Variants in ZMYM5 observed in about 807,000 individuals in gnomAD.
The protein encoded by ZMYM5 is zinc finger MYM-type containing 5.
Under a neutral mutation model 61.8 loss-of-function variants are expected in ZMYM5, and 41 were observed. The ratio of observed to expected loss-of-function variants is 0.66; its 90% CI spans 0.52 to 0.86. The LOEUF (loss-of-function observed/expected upper bound fraction) is 0.86, where lower values mean the gene tolerates loss of function less well. Among genes scored for constraint, ZMYM5 ranks in the 40% least tolerant of loss-of-function variants. ZMYM5 has a pLI of 0.00. For missense variants in ZMYM5, 706 were observed against 786.7 expected, an observed-to-expected ratio of 0.90 and a Z score of 1.23; for synonymous variants, 257 against 276.4, an observed-to-expected ratio of 0.93 and a Z score of 0.70.
intron 7 of ZMYM5, among the ~76,000 whole-genome samples, chr13:19,830,206 T>C (rs1303087416): frequency 6.6e-6 from 1 of 152,196 alleles, no homozygotes; most frequent in African/African-American, 2.4e-5. Context: ...AGCAATAAGC[T>C]ACTAAGTGCA....
At chr13:19,835,448 A>G in intron 7 of ZMYM5, 29 bp downstream of exon 7, 6 of 1,320,298 alleles carry the variant, frequency 4.5e-6, no homozygotes, top group Non-Finnish European at 6.1e-6. Flanking sequence ...TATATATTTG[A>G]TCATTTAAAG....
In ZMYM5 at chr13:19,851,863, C is replaced by A; in HGVS notation, c.318G>T (p.Leu106Phe). ...YSVIPPSSRD[L>F]ASQKGNISET... ...CACTTATATTTCCTTTCTGAGATGCCAAATCTCTTGAAGAAGGAGGAATTA... is the reference window on the plus strand; with the variant it reads ...CACTTATATTTCCTTTCTGAGATGCAAAATCTCTTGAAGAAGGAGGAATTA... The change falls in exon 3 of 8, where the codon TTG becomes TTT. Residue 106 changes from leucine (L) to phenylalanine (F), a missense_variant. Leu to Phe is a conservative substitution (Grantham distance 22). Transcript: ENST00000337963. 1 of 1,611,842 alleles carries A rather than the reference C, an allele frequency of 6.2e-7. No individual in the cohort carries two copies. Among genetic ancestry groups the A allele is most frequent in the Non-Finnish European group, 8.5e-7 (1 of 1,179,476 alleles).
chr13:19,831,829 G>A (rs1202709016), intron 7 of ZMYM5, among the ~76,000 whole-genome samples: 1 of 145,666 alleles, frequency 6.9e-6, no homozygotes, highest in Non-Finnish European at 1.5e-5. Context: ...ATGTATAGGT[G>A]TATGTCTGCC....
intron 6 of ZMYM5, 58 bp from the exon 7 acceptor site, chr13:19,835,747 G>T: frequency 8.1e-7 from 1 of 1,228,676 alleles, no homozygotes; most frequent in Non-Finnish European, 1.1e-6. Flanking sequence ...AGCATAGCAA[G>T]CAATGAGATA....
intron 7 of ZMYM5, among the ~76,000 whole-genome samples, chr13:19,833,753 G>A (rs1367358434): frequency 1.3e-5 from 2 of 151,998 alleles, no homozygotes; most frequent in Admixed American, 1.3e-4. Flanking sequence ...TAATAAATAG[G>A]ACTTATAAAA....
chr13:19,828,388 C>T (rs1380237789), intron 7 of ZMYM5, among the ~76,000 whole-genome samples: 2 of 151,820 alleles, frequency 1.3e-5, no homozygotes, highest in South Asian at 2.1e-4. Context: ...GCAGGAGAAT[C>T]GCTTGAACCT....
At chr13:19,827,946 G>A (rs1300814748) in intron 7 of ZMYM5, among the ~76,000 whole-genome samples, 2 of 150,098 alleles carry the variant, frequency 1.3e-5, no homozygotes, top group Non-Finnish European at 3.0e-5. Context: ...ATGAACCCGG[G>A]AGGCGGAGAT....
At chr13:19,848,205 G>T (rs1406828134) in intron 4 of ZMYM5, among the ~76,000 whole-genome samples, 1 of 151,630 alleles carries the variant, frequency 6.6e-6, no homozygotes, top group Admixed American at 6.6e-5. Context: ...GGCTGGTCTT[G>T]AACTCCTGAC....
intron 4 of ZMYM5, among the ~76,000 whole-genome samples, chr13:19,850,576 G>C (rs533313719): frequency 6.6e-6 from 1 of 151,530 alleles, no homozygotes; most frequent in South Asian, 2.1e-4. Context: ...ACTCCAGCCT[G>C]GGCAAAAAGA....
At chr13:19,850,835 G>A (rs1428809988) in intron 4 of ZMYM5, among the ~76,000 whole-genome samples, 1 of 152,048 alleles carries the variant, frequency 6.6e-6, no homozygotes, top group Non-Finnish European at 1.5e-5. Context: ...AATCTTACTG[G>A]ATAAAATAGA....
At position 19,851,387 on chromosome 13, in the gene ZMYM5, T is replaced by C; in HGVS notation, c.554A>G (p.Gln185Arg). The change falls in exon 4 of 8, where the codon CAG (glutamine) becomes CGG (arginine). Residue 185 changes from glutamine to arginine, a missense_variant. By Grantham distance (43) the Gln-to-Arg change is conservative. This residue lies in a region of ZMYM5 where 480 missense variants were observed against 461.7 expected (regional missense o/e 1.04). Coordinates refer to ENST00000337963, the MANE Select transcript of ZMYM5 (RefSeq NM_001142684.2). ...GRMNVAGDLF[Q>R]NGEFATHHSP... ...ATGATGAGTTGCAAATTCTCCATTC[T>C]GAAATAAGTCTCCTGCCACATTCAT... The C allele has an allele frequency of 2.5e-6, 4 of 1,614,182 alleles. No individual in the cohort carries two copies. The highest frequency in any genetic ancestry group is 3.4e-6 in the Non-Finnish European group (4 of 1,180,026).
At chr13:19,851,053 A>G (rs1953273028) in intron 4 of ZMYM5, among the ~76,000 whole-genome samples, 1 of 152,096 alleles carries the variant, frequency 6.6e-6, no homozygotes, top group Non-Finnish European at 1.5e-5. Context: ...TACTAAAAAC[A>G]CAAAAACTAG....
intron 2 of ZMYM5, among the ~76,000 whole-genome samples, chr13:19,860,946 G>A (rs1011740585): frequency 6.6e-6 from 1 of 150,850 alleles, no homozygotes; most frequent in Non-Finnish European, 1.5e-5. Context: ...GTGTGTGTGT[G>A]TGTGTGTGTG....
Position 19,838,806 on chromosome 13 carries a change from T to C in ZMYM5, c.766A>G (p.Thr256Ala). The C allele has an allele frequency of 6.2e-7, 1 of 1,614,190 alleles. No individual in the cohort carries two copies. Among genetic ancestry groups the C allele is most frequent in the Non-Finnish European group, 8.5e-7 (1 of 1,180,040 alleles). The change falls in exon 5 of 8, where the codon ACA (threonine) becomes GCA (alanine). Residue 256 changes from threonine to alanine, a missense_variant. Transcript: ENST00000337963. Reference sequence around the variant, plus strand: ...GCTGATCCTTTTCGTTGATAAGCTGTCTGTCCCTTCTGTAAAGGCTTTTTG... The same window carrying C: ...GCTGATCCTTTTCGTTGATAAGCTGCCTGTCCCTTCTGTAAAGGCTTTTTG... ...NCKKPLQKGQTAYQRKGSAHL... is the reference protein window; with the variant it reads ...NCKKPLQKGQAAYQRKGSAHL...
At chr13:19,854,049 C>T (rs1372909889) in intron 2 of ZMYM5, among the ~76,000 whole-genome samples, 1 of 152,236 alleles carries the variant, frequency 6.6e-6, no homozygotes, top group East Asian at 1.9e-4. Context: ...CTCACTCTAT[C>T]GCCAGGCCAG....
intron 4 of ZMYM5, among the ~76,000 whole-genome samples, chr13:19,843,110 C>G (rs1017074714): frequency 1.3e-5 from 2 of 151,180 alleles, no homozygotes; most frequent in Non-Finnish European, 2.9e-5. Flanking sequence ...GCCACTGCAT[C>G]CAGCAGATTT....
intron 7 of ZMYM5, among the ~76,000 whole-genome samples, chr13:19,834,168 G>A (rs1305491977): frequency 1.3e-5 from 2 of 152,128 alleles, no homozygotes; most frequent in African/African-American, 2.4e-5. Flanking sequence ...AGTAGAGACG[G>A]GGTTTCGCCA....
intron 2 of ZMYM5, among the ~76,000 whole-genome samples, chr13:19,856,553 T>A (rs984277550): frequency 6.6e-6 from 1 of 151,508 alleles, no homozygotes; most frequent in Non-Finnish European, 1.5e-5. Context: ...GACAGGAGAA[T>A]CGCCTGAACC....
At position 19,851,837 on chromosome 13, in the gene ZMYM5, T is replaced by C. The variant is rs766075820; in HGVS notation, c.344A>G (p.Glu115Gly). The C allele has an allele frequency of 4.3e-6, 7 of 1,612,616 alleles. No homozygotes were observed. Among genetic ancestry groups the C allele is most frequent in the Non-Finnish European group, 5.9e-6 (7 of 1,179,752 alleles). Residue 115 changes from glutamate (E) to glycine (G), a missense_variant, in exon 3 of 8, where the codon GAG (glutamate) becomes GGG (glycine). This residue lies in a region of ZMYM5 where 480 missense variants were observed against 461.7 expected (regional missense o/e 1.04). Coordinates refer to ENST00000337963, the MANE Select transcript of ZMYM5 (RefSeq NM_001142684.2). ...DLASQKGNIS[E>G]TIVIDDEEDI... The stretch of plus-strand genomic sequence containing the variant: ...CTCTTCATCATCAATAACAATTGTC[T>C]CACTTATATTTCCTTTCTGAGATGC...
Sources: gnomAD v4.1 joint callset for allele counts (sites outside exome capture counted in the v4.1 genomes callset) on GRCh38, gnomAD v4.1.1 for gene constraint, gnomAD v4.1.1 regional missense constraint, MANE v1.5 for transcripts, NCBI Gene and HGNC (gene_info 2026-07-23, HGNC 2026-07-21) for gene names.